RASSF8: variants seen among roughly 807,000 people sequenced by gnomAD.
RASSF8 encodes the protein Ras association domain family member 8, also known as ras association domain-containing protein 8.
A neutral mutation model predicts 48.5 loss-of-function variants in RASSF8; 22 were observed. That is an observed-to-expected ratio of 0.45 (90% CI 0.32 to 0.65). The LOEUF (loss-of-function observed/expected upper bound fraction) is 0.65, where lower values mean the gene tolerates loss of function less well. RASSF8 is among the 30% of genes least tolerant of loss of function. The pLI is 0.03. For missense variants in RASSF8, 418 were observed against 489.2 expected (o/e 0.85, Z 1.37); for synonymous variants, 127 against 171.5 (o/e 0.74, Z 2.03).
chr12:26,026,527 C>T (rs1311010062), intron 2 of RASSF8, among the ~76,000 whole-genome samples: 1 of 152,076 alleles, frequency 6.6e-6, no homozygotes, highest in African/African-American at 2.4e-5. Flanking sequence ...CCTCCACCTC[C>T]CGGGTTCAAG....
chr12:26,006,553 T>C (rs1411343654), intron 2 of RASSF8, among the ~76,000 whole-genome samples: 1 of 152,242 alleles, frequency 6.6e-6, no homozygotes, highest in Non-Finnish European at 1.5e-5. Flanking sequence ...GGACTACATA[T>C]ATGTTTATAC....
chr12:25,999,494 T>A (rs1358566915), intron 2 of RASSF8, among the ~76,000 whole-genome samples: 1 of 152,092 alleles, frequency 6.6e-6, no homozygotes, highest in African/African-American at 2.4e-5. Context: ...ACAACTGTAA[T>A]CCCAGCATTT....
chr12:25,970,567 C>A (rs570500182), intron 1 of RASSF8, among the ~76,000 whole-genome samples: 1 of 152,190 alleles, frequency 6.6e-6, no homozygotes, highest in Non-Finnish European at 1.5e-5. Flanking sequence ...AACCCATCCT[C>A]CATGTTGCCG....
At chr12:25,989,032 A>G (rs1941953627) in intron 1 of RASSF8, among the ~76,000 whole-genome samples, 1 of 152,182 alleles carries the variant, frequency 6.6e-6, no homozygotes, top group Non-Finnish European at 1.5e-5. Flanking sequence ...CTGCAAACTC[A>G]CTGTGCCTCC....
At chr12:25,989,494 T>C (rs1941964669) in intron 1 of RASSF8, among the ~76,000 whole-genome samples, 1 of 152,316 alleles carries the variant, frequency 6.6e-6, no homozygotes, top group Middle Eastern at 3.4e-3. Flanking sequence ...AAAAGCTCTC[T>C]GTTGTGTGAA....
At chr12:26,025,377 G>A (rs1248149269) in intron 2 of RASSF8, among the ~76,000 whole-genome samples, 2 of 151,898 alleles carry the variant, frequency 1.3e-5, no homozygotes, top group Non-Finnish European at 1.5e-5. Flanking sequence ...CTAACACAGT[G>A]AAACCCCGTC....
At chr12:26,030,877 T>C (rs548188450) in intron 2 of RASSF8, among the ~76,000 whole-genome samples, 1 of 152,214 alleles carries the variant, frequency 6.6e-6, no homozygotes, top group Non-Finnish European at 1.5e-5. Flanking sequence ...CTCAACTTCA[T>C]TGTAGCACAT....
At chr12:25,996,978 T>G (rs528248870) in intron 2 of RASSF8, among the ~76,000 whole-genome samples, 1 of 152,330 alleles carries the variant, frequency 6.6e-6, no homozygotes, top group African/African-American at 2.4e-5. Flanking sequence ...ATGGAGCTAC[T>G]TAAAATTTTT....
chr12:26,064,793 AG>A lies in RASSF8; in HGVS notation c.401del (p.Gly134GlufsTer6), dbSNP rs775231738. Reference sequence around the variant, plus strand: ...CGAAAAGGAAATCACTGACATTTACAGGAGGTGCCAAAGGATTAATGGACAT... The same window carrying A: ...CGAAAAGGAAATCACTGACATTTACAGAGGTGCCAAAGGATTAATGGACAT... ...EPKRKSLTFT[G>X]GAKGLMDIFG... On this transcript the variant is annotated frameshift_variant, in exon 4 of 6. Transcript: ENST00000689635. LOFTEE classifies it high-confidence loss of function. 1 of 1,614,248 alleles carries A rather than the reference AG, an allele frequency of 6.2e-7. No homozygotes were observed. The highest frequency in any genetic ancestry group is 8.5e-7 in the Non-Finnish European group (1 of 1,180,040).
At chr12:26,030,686 T>C (rs1943011602) in intron 2 of RASSF8, among the ~76,000 whole-genome samples, 1 of 149,718 alleles carries the variant, frequency 6.7e-6, no homozygotes. Flanking sequence ...CCCGAAGTTA[T>C]CTTTTTTTTT....
At chr12:25,987,588 A>G (rs1048380177) in intron 1 of RASSF8, among the ~76,000 whole-genome samples, 2 of 152,160 alleles carry the variant, frequency 1.3e-5, no homozygotes, top group Non-Finnish European at 2.9e-5. Flanking sequence ...TTTATTGTTT[A>G]TGCTTTTCTT....
rs533385332 is a variant in RASSF8 at position 26,027,130 on chromosome 12, A to T, written c.-108-28106A>T. On this transcript the variant is annotated intron_variant, in intron 2 of 5. Coordinates refer to ENST00000689635, the MANE Select transcript of RASSF8 (RefSeq NM_001394098.1). ...ATGATTTTATTTATATGAAATATCCAGAGTAGGCAAATCCATAGAGACTGA... is the reference window on the plus strand; with the variant it reads ...ATGATTTTATTTATATGAAATATCCTGAGTAGGCAAATCCATAGAGACTGA... 4.1e-4 allele frequency among the ~76,000 whole-genome samples: 62 copies of T among 152,344 alleles called. 1 individual carries two copies. The South Asian group carries it at 0.01, about 25-fold the overall frequency.
chr12:26,050,817 A>G (rs143409464), intron 2 of RASSF8, among the ~76,000 whole-genome samples: 340 of 152,308 alleles, frequency 2.2e-3, no homozygotes, highest in Non-Finnish European at 3.8e-3. Flanking sequence ...TTTTGCTGGC[A>G]TGTGTTTTTC....
intron 1 of RASSF8, among the ~76,000 whole-genome samples, chr12:25,979,157 C>G (rs548758923): frequency 1.3e-5 from 2 of 152,210 alleles, no homozygotes; most frequent in Admixed American, 1.3e-4. Context: ...CATGATGAGT[C>G]CTAAGACAGA....
intron 2 of RASSF8, among the ~76,000 whole-genome samples, chr12:26,047,571 G>A (rs995078983): frequency 6.6e-6 from 1 of 152,168 alleles, no homozygotes; most frequent in Admixed American, 6.5e-5. Context: ...ACCTGGCCAG[G>A]CCTCAGCCTT....
chr12:26,064,985 G>T lies in RASSF8; in HGVS notation c.591G>T (p.Lys197Asn). The T allele has an allele frequency of 1.2e-6, 2 of 1,613,406 alleles. No homozygotes were observed. Among genetic ancestry groups the T allele is most frequent in the Non-Finnish European group, 1.7e-6 (2 of 1,179,824 alleles). ...NEIEIRFWEQ[K>N]YNSNLEEEIV... is the part of the protein sequence containing the mutation. The stretch of plus-strand genomic sequence containing the variant: ...TAGAAATAAGATTTTGGGAGCAAAA[G>T]TATAATTCCAACCTTGAAGAGGAAA... The change falls in exon 4 of 6, where the codon AAG (lysine) becomes AAT (asparagine). Residue 197 changes from lysine (K) to asparagine (N), a missense_variant. Coordinates refer to ENST00000689635, the MANE Select transcript of RASSF8 (RefSeq NM_001394098.1).
At chr12:26,041,158 C>T (rs568360014) in intron 2 of RASSF8, among the ~76,000 whole-genome samples, 10 of 152,108 alleles carry the variant, frequency 6.6e-5, no homozygotes, top group African/African-American at 1.2e-4. Flanking sequence ...TCCCAAAGTG[C>T]GGGGATTACA....
chr12:26,038,608 A>AACACACACACACACACACACAC (rs57536643), intron 2 of RASSF8, among the ~76,000 whole-genome samples: 35 of 144,962 alleles, frequency 2.4e-4, no homozygotes, highest in South Asian at 6.8e-4. Flanking sequence ...TTCTTATTAA[A>AACACACACACACACACACACAC]ACACACACAC....
rs920786707 is a variant in RASSF8 at position 26,071,450 on chromosome 12, A to G, written c.*2632A>G. 82 of 945,142 alleles carry G rather than the reference A, an allele frequency of 8.7e-5. No individual in the cohort carries two copies. Among genetic ancestry groups the G allele is most frequent in the Non-Finnish European group, 1.0e-4 (80 of 793,582 alleles). The allele number at this position is 945,142 out of a possible 1,614,324, so 58.5% of individuals were successfully genotyped here. ...GCAACTTGTTTTATTGTGATTTTCT[A>G]CAAGTATTAAATACATTTAAAGATC... is the stretch of plus-strand genomic sequence containing the variant. On this transcript the variant is annotated 3_prime_UTR_variant, in exon 6 of 6. Coordinates refer to ENST00000689635, the MANE Select transcript of RASSF8 (RefSeq NM_001394098.1).
Sources: allele counts gnomAD v4.1 joint callset (sites outside exome capture counted in the v4.1 genomes callset), GRCh38; gene constraint gnomAD v4.1.1; transcripts MANE v1.5; gene names NCBI Gene and HGNC (gene_info 2026-07-23, HGNC 2026-07-21).